PLCB1: variants seen among roughly 807,000 people sequenced by gnomAD.
PLCB1 encodes the protein phospholipase C beta 1, also known as 1-phosphatidylinositol 4,5-bisphosphate phosphodiesterase beta-1.
A neutral mutation model predicts 161.8 loss-of-function variants in PLCB1; 46 were observed. That is an observed-to-expected ratio of 0.28 (90% CI 0.22 to 0.36). The LOEUF is 0.36. PLCB1 is among the 10% of genes least tolerant of loss of function. The probability of loss-of-function intolerance (pLI) is 1.00; values close to 1 mark genes in which losing one functional copy is unlikely to be tolerated. For synonymous variants in PLCB1, 517 were observed against 503.7 expected, an observed-to-expected ratio of 1.03 and a Z score of -0.35; for missense variants, 1,016 against 1,472.5, an observed-to-expected ratio of 0.69 and a Z score of 5.07.
At chr20:8,585,964 G>A (rs1010814161) in intron 3 of PLCB1, among the ~76,000 whole-genome samples, 1 of 152,088 alleles carries the variant, frequency 6.6e-6, no homozygotes, top group Non-Finnish European at 1.5e-5. Flanking sequence ...TCCTTCAGAA[G>A]AGTTTTGTTT....
At position 8,740,516 on chromosome 20, in the gene PLCB1, T is replaced by G. The variant is rs565561324; in HGVS notation, c.2413+68T>G. Reference sequence around the variant, plus strand: ...TTCTGTCTGAGTCACCATATATTTTTGGGTTAGTGAAAGGAAAACTGAACC... The same window carrying G: ...TTCTGTCTGAGTCACCATATATTTTGGGGTTAGTGAAAGGAAAACTGAACC... On this transcript the variant is annotated intron_variant, in intron 22 of 31. Transcript: ENST00000338037. 30 of 902,186 alleles carry G rather than the reference T, an allele frequency of 3.3e-5. No individual in the cohort carries two copies. In the African/African-American group the frequency reaches 4.5e-4, roughly 14 times the overall value. 55.9% of individuals were successfully genotyped at this position (902,186 alleles called of 1,614,324 possible).
intron 3 of PLCB1, among the ~76,000 whole-genome samples, chr20:8,440,789 G>A (rs1189439026): frequency 6.6e-6 from 1 of 151,974 alleles, no homozygotes; most frequent in African/African-American, 2.4e-5. Flanking sequence ...TAGCTAGAAG[G>A]AGGATATTTA....
At chr20:8,486,187 G>A (rs1982714448) in intron 3 of PLCB1, among the ~76,000 whole-genome samples, 2 of 152,082 alleles carry the variant, frequency 1.3e-5, no homozygotes, top group South Asian at 4.2e-4. Flanking sequence ...GGGGATTATG[G>A]GAACTACAAT....
At chr20:8,630,085 G>GT (rs11476024) in intron 4 of PLCB1, among the ~76,000 whole-genome samples, 1,006 of 84,016 alleles carry the variant, frequency 0.012, 14 homozygotes, top group South Asian at 0.037. Flanking sequence ...TCTCTTTCTT[G>GT]TTTTTTTTTT....
intron 9 of PLCB1, among the ~76,000 whole-genome samples, chr20:8,670,570 T>C (rs1989917810): frequency 6.6e-6 from 1 of 152,102 alleles, no homozygotes; most frequent in South Asian, 2.1e-4. Flanking sequence ...GCAATCAAGA[T>C]GGAATAACAA....
chr20:8,467,604 A>G (rs1165040704), intron 3 of PLCB1, among the ~76,000 whole-genome samples: 1 of 152,178 alleles, frequency 6.6e-6, no homozygotes, highest in Non-Finnish European at 1.5e-5. Flanking sequence ...CTCCATGGAC[A>G]GTAGGTATAC....
At chr20:8,393,048 A>T (rs1208781305) in intron 3 of PLCB1, among the ~76,000 whole-genome samples, 1 of 152,174 alleles carries the variant, frequency 6.6e-6, no homozygotes, top group Non-Finnish European at 1.5e-5. Context: ...CTAATTAGAC[A>T]GTATGTTTGT....
intron 2 of PLCB1, among the ~76,000 whole-genome samples, chr20:8,266,962 G>C (rs1454094179): frequency 1.3e-5 from 2 of 151,818 alleles, no homozygotes; most frequent in African/African-American, 4.8e-5. Flanking sequence ...GCTTGAACCT[G>C]GGAGGCGGAG....
chr20:8,825,438 AAG>A, intron 31 of PLCB1, among the ~76,000 whole-genome samples: 1 of 152,284 alleles, frequency 6.6e-6, no homozygotes, highest in East Asian at 1.9e-4. Context: ...TAGAGTGAGA[AAG>A]AGTGTGTGGA....
intron 2 of PLCB1, among the ~76,000 whole-genome samples, chr20:8,250,030 C>A (rs1301796105): frequency 6.6e-6 from 1 of 151,856 alleles, no homozygotes; most frequent in Admixed American, 6.6e-5. Flanking sequence ...AACAGGCAGG[C>A]CAACTCACTT....
chr20:8,739,157 A>T, intron 20 of PLCB1, 104 bp from the exon 21 acceptor site: 7 of 787,700 alleles, frequency 8.9e-6, no homozygotes, highest in Non-Finnish European at 1.6e-5. Flanking sequence ...TCTCAAAAAA[A>T]GAAAGAGAAA....
chr20:8,582,988 CA>C (rs57511588), intron 3 of PLCB1, among the ~76,000 whole-genome samples: 307 of 125,152 alleles, frequency 2.5e-3, no homozygotes, highest in Non-Finnish European at 3.4e-3. Context: ...GACTCCATCT[CA>C]AAAAAAAAAA....
In PLCB1 at chr20:8,371,433, C is replaced by T; in HGVS notation, c.229C>T (p.His77Tyr). 6.2e-7 allele frequency: 1 copy of T among 1,612,960 alleles called. No homozygotes were observed. The highest frequency in any genetic ancestry group is 1.1e-5 in the South Asian group (1 of 91,002). The change falls in exon 3 of 32, where the codon CAC becomes TAC. Residue 77 changes from histidine to tyrosine, a missense_variant. Around this residue, in one of 10 missense-constraint regions of PLCB1, gnomAD observed 181 missense variants for 236.7 expected, o/e 0.76. Transcript: ENST00000338037. ...TGTCAAAGATGCCAGATGTGGGAGA[C>T]ACGCCAAAGCTCCCAAGGTAGGAGG... ...SLVKDARCGRHAKAPKDPKLR... is the reference protein window; with the variant it reads ...SLVKDARCGRYAKAPKDPKLR...
rs1476778392 is a variant in PLCB1 at position 8,882,884 on chromosome 20, T to G, written c.*1035T>G. 6.6e-6 allele frequency: 1 copy of G among 152,642 alleles called. No individual in the cohort carries two copies. Among genetic ancestry groups the G allele is most frequent in the African/African-American group, 2.4e-5 (1 of 41,452 alleles). The allele number at this position is 152,642 out of a possible 1,614,324, so 9.5% of individuals were successfully genotyped here. A position where few individuals can be genotyped will look rare whatever the true frequency, so the allele number is the denominator to read the frequency against. ...ATATGTACCCACTTAGTCATGTAAG[T>G]GCATATACACATACACACACATGAG... is the stretch of plus-strand genomic sequence containing the variant. On this transcript the variant is annotated 3_prime_UTR_variant, in exon 32 of 32. Coordinates refer to ENST00000338037, the MANE Select transcript of PLCB1 (RefSeq NM_015192.4).
chr20:8,554,810 A>G (rs1985896518), intron 3 of PLCB1, among the ~76,000 whole-genome samples: 1 of 152,154 alleles, frequency 6.6e-6, no homozygotes, highest in African/African-American at 2.4e-5. Flanking sequence ...TTGCTTAATA[A>G]TATTAGTATC....
At chr20:8,831,737 C>T (rs1433756045) in intron 31 of PLCB1, among the ~76,000 whole-genome samples, 1 of 152,174 alleles carries the variant, frequency 6.6e-6, no homozygotes, top group African/African-American at 2.4e-5. Flanking sequence ...TCAAGCGATC[C>T]TCCCACCTCA....
chr20:8,879,827 C>T (rs1987908438), intron 31 of PLCB1, among the ~76,000 whole-genome samples: 1 of 152,118 alleles, frequency 6.6e-6, no homozygotes, highest in African/African-American at 2.4e-5. Context: ...TGACTTCACC[C>T]TGGCATTCCA....
intron 31 of PLCB1, among the ~76,000 whole-genome samples, chr20:8,876,221 A>G (rs564326849): frequency 1.3e-5 from 2 of 152,228 alleles, no homozygotes; most frequent in Non-Finnish European, 2.9e-5. Flanking sequence ...CTTTATTAAT[A>G]TCTGAGTATA....
chr20:8,526,084 C>A (rs1247670085), intron 3 of PLCB1, among the ~76,000 whole-genome samples: 2 of 152,056 alleles, frequency 1.3e-5, no homozygotes, highest in African/African-American at 4.8e-5. Flanking sequence ...ATATCATGAT[C>A]AGCGGTGGAG....
Sources: allele counts gnomAD v4.1 joint callset (sites outside exome capture counted in the v4.1 genomes callset), GRCh38; gene constraint gnomAD v4.1.1; regional missense constraint gnomAD v4.1.1; transcripts MANE v1.5; gene names NCBI Gene and HGNC (gene_info 2026-07-23, HGNC 2026-07-21).